DMD: variants seen among roughly 807,000 people sequenced by gnomAD.
DMD encodes mutant dystrophin.
Under a neutral mutation model 330.1 loss-of-function variants are expected in DMD, and 63 were observed. The observed-to-expected ratio is 0.19, with a 90% CI of 0.16 to 0.24. The LOEUF is 0.24. Ranked by LOEUF, DMD falls within the 10% of genes least tolerant of loss-of-function variation. The pLI is 1.00. For synonymous variants in DMD, 1,223 were observed against 959.8 expected (o/e 1.27, Z -5.07); for missense variants, 3,344 against 2,684.1 (o/e 1.25, Z -5.43).
chrX:32,746,481 T>C, intron 7 of DMD, among the ~76,000 whole-genome samples: 1 of 111,915 alleles, frequency 8.9e-6, no homozygotes, highest in Non-Finnish European at 1.9e-5. Flanking sequence ...TGGGACCTTT[T>C]TAGAAATACC....
rs1438315626 is a variant in DMD, at chrX:32,644,253, T to TTC, written c.1208_1209dup (p.Ser404GlufsTer4). On this transcript the variant is annotated frameshift_variant, in exon 11 of 79. Coordinates refer to ENST00000357033, the MANE Select transcript of DMD (RefSeq NM_004006.3). LOFTEE classifies it high-confidence loss of function. The stretch of plus-strand genomic sequence containing the variant: ...AATTTTCCTGTTCCAATCAGCTTAC[T>TTC]TCCCAATTGTAGAATATTACCAACC... The TTC allele has an allele frequency of 8.3e-7, 1 of 1,209,577 alleles. No individual in the cohort carries two copies. Among genetic ancestry groups the TTC allele is most frequent in the African/African-American group, 1.8e-5 (1 of 57,105 alleles).
chrX:32,912,691 C>T (rs1232721412), intron 2 of DMD, among the ~76,000 whole-genome samples: 1 of 111,341 alleles, frequency 9.0e-6, no homozygotes, highest in Non-Finnish European at 1.9e-5. Context: ...ATACGAAGTT[C>T]AAAAGCATGC....
chrX:32,240,298 A>G (rs1388989082), intron 43 of DMD, among the ~76,000 whole-genome samples: 1 of 111,853 alleles, frequency 8.9e-6, no homozygotes, highest in Non-Finnish European at 1.9e-5. Flanking sequence ...TGATGACATT[A>G]GGAAGTGGGG....
intron 43 of DMD, among the ~76,000 whole-genome samples, chrX:32,268,224 G>A (rs745676183): frequency 1.1e-3 from 125 of 111,290 alleles, no homozygotes; most frequent in Non-Finnish European, 1.9e-3. Flanking sequence ...GACACTCCAG[G>A]GTACTCTGGT....
intron 30 of DMD, among the ~76,000 whole-genome samples, chrX:32,407,436 C>T (rs750079230): frequency 1.8e-5 from 2 of 111,534 alleles, no homozygotes; most frequent in South Asian, 7.6e-4. Flanking sequence ...CCATCTCACA[C>T]CAGTTAGAAT....
intron 1 of DMD, among the ~76,000 whole-genome samples, chrX:33,289,647 G>C (rs2053485201): frequency 9.0e-6 from 1 of 111,488 alleles, no homozygotes; most frequent in South Asian, 3.7e-4. Flanking sequence ...TTTACTTGAA[G>C]AACAGTCATT....
At chrX:32,482,674 A>G (rs1429560684) in intron 21 of DMD, among the ~76,000 whole-genome samples, 1 of 111,717 alleles carries the variant, frequency 9.0e-6, no homozygotes, top group African/African-American at 3.2e-5. Flanking sequence ...TTCAAACCCC[A>G]TTAGCTTACT....
chrX:31,484,504 G>A lies in DMD; in HGVS notation c.8548-5401C>T, dbSNP rs141037897. Among the ~76,000 whole-genome samples, 623 of 111,279 alleles carry A rather than the reference G, an allele frequency of 5.6e-3. 3 individuals carry two copies. The highest frequency in any genetic ancestry group is 0.015 in the African/African-American group (460 of 30,615). ...CCTTTCCAAGACAGCCAGACCCAAG[G>A]GTCCAAAATAGTGATATGAGAGAAT... is the stretch of plus-strand genomic sequence containing the variant. On this transcript the variant is annotated intron_variant, in intron 57 of 78. Transcript: ENST00000357033.
chrX:32,651,120 TA>T (rs1257566272), intron 9 of DMD, among the ~76,000 whole-genome samples: 2 of 100,682 alleles, frequency 2.0e-5, no homozygotes, highest in Non-Finnish European at 3.8e-5. Flanking sequence ...ACAGCACTTT[TA>T]AAAAAATATA....
intron 67 of DMD, among the ~76,000 whole-genome samples, chrX:31,188,721 A>T: frequency 8.9e-6 from 1 of 112,043 alleles, no homozygotes; most frequent in South Asian, 3.7e-4. Flanking sequence ...ACAGTTTGGA[A>T]TTATGTTGGG....
At chrX:32,086,568 C>T (rs2096440892) in intron 44 of DMD, among the ~76,000 whole-genome samples, 1 of 111,353 alleles carries the variant, frequency 9.0e-6, no homozygotes, top group African/African-American at 3.3e-5. Flanking sequence ...GCACAATCAT[C>T]ATCACTGTGG....
intron 59 of DMD, among the ~76,000 whole-genome samples, chrX:31,472,317 G>A (rs2067360545): frequency 8.9e-6 from 1 of 111,955 alleles, no homozygotes; most frequent in Non-Finnish European, 1.9e-5. Flanking sequence ...GAAAAGATAA[G>A]TTTTCCTTAC....
intron 7 of DMD, among the ~76,000 whole-genome samples, chrX:32,717,128 G>A (rs752812680): frequency 7.2e-5 from 8 of 111,017 alleles, no homozygotes; most frequent in East Asian, 2.8e-4. Context: ...AGCTGTCTGC[G>A]GAAATTTGCA....
rs1235804566 is a variant in DMD at position 31,834,863 on chromosome X, GA to G, written c.7200+1854del. On this transcript the variant is annotated intron_variant, in intron 49 of 78. Transcript: ENST00000357033. ...GAGAAAATAGGGAAACAGGGAAGGA[GA>G]AAAAAAAAAAGGAAGGAAAAAAACA... Among the ~76,000 whole-genome samples the G allele has an allele frequency of 7.2e-4, 72 of 100,257 alleles. No individual in the cohort carries two copies. The East Asian group carries it at 9.8e-3, about 14-fold the overall frequency. 87.1% of individuals were successfully genotyped at this position (100,257 alleles called of 115,157 possible).
intron 55 of DMD, among the ~76,000 whole-genome samples, chrX:31,590,299 G>A (rs754606568): frequency 8.9e-4 from 99 of 111,096 alleles, no homozygotes; most frequent in African/African-American, 2.9e-3. Flanking sequence ...TTGCTCATTC[G>A]TAGTTGTTTT....
intron 50 of DMD, among the ~76,000 whole-genome samples, chrX:31,816,823 A>ACACACACACACACACAG (rs1248110550): frequency 2.1e-4 from 9 of 43,561 alleles, no homozygotes; most frequent in African/African-American, 1.2e-3. Flanking sequence ...CACACACACA[A>ACACACACACACACACAG]AGAAAAAAGA....
chrX:33,301,610 C>G (rs769395252), intron 1 of DMD, among the ~76,000 whole-genome samples: 25 of 111,868 alleles, frequency 2.2e-4, no homozygotes, highest in South Asian at 1.1e-3. Flanking sequence ...GTTCGCAGTT[C>G]TGTAGGCTGG....
intron 68 of DMD, among the ~76,000 whole-genome samples, chrX:31,181,014 TCAAA>T (rs1022822827): frequency 6.2e-5 from 7 of 112,308 alleles, no homozygotes; most frequent in Non-Finnish European, 9.4e-5. Context: ...CGATTCATCT[TCAAA>T]CAGTTACTCG....
intron 62 of DMD, among the ~76,000 whole-genome samples, chrX:31,290,469 AT>A (rs1249362392): frequency 9.0e-6 from 1 of 111,501 alleles, no homozygotes; most frequent in Admixed American, 9.6e-5. Context: ...AAATATTTTG[AT>A]TGTTTAAGGT....
Sources: gnomAD v4.1 joint callset for allele counts (sites outside exome capture counted in the v4.1 genomes callset) on GRCh38, gnomAD v4.1.1 for gene constraint, MANE v1.5 for transcripts, NCBI Gene and HGNC (gene_info 2026-07-23, HGNC 2026-07-21) for gene names.